Variants in CNNM2 observed in about 807,000 individuals in gnomAD.
CNNM2 encodes metal transporter CNNM2.
In CNNM2, 12 loss-of-function variants were observed where a neutral mutation model predicts 66.9. The observed-to-expected ratio is 0.18, with a 90% CI of 0.11 to 0.29. CNNM2 has a LOEUF of 0.29. Among genes scored for constraint, CNNM2 ranks in the 10% least tolerant of loss-of-function variants. CNNM2 has a pLI of 1.00. For missense variants in CNNM2, 705 were observed against 1,167.7 expected, an observed-to-expected ratio of 0.60 and a Z score of 5.77; for synonymous variants, 557 against 501.8, an observed-to-expected ratio of 1.11 and a Z score of -1.47.
At chr10:103,059,083 C>T (rs1250474031) in intron 4 of CNNM2, among the ~76,000 whole-genome samples, 1 of 152,158 alleles carries the variant, frequency 6.6e-6, no homozygotes, top group Admixed American at 6.5e-5. Flanking sequence ...AAGCAATTCT[C>T]CTGCCTCAGG....
intron 1 of CNNM2, among the ~76,000 whole-genome samples, chr10:102,983,052 A>T (rs1391924863): frequency 6.6e-6 from 1 of 152,150 alleles, no homozygotes; most frequent in Non-Finnish European, 1.5e-5. Flanking sequence ...ATTTGAAAGG[A>T]GACCCATATT....
chr10:102,939,823 C>T (rs2134176791), intron 1 of CNNM2, among the ~76,000 whole-genome samples: 1 of 152,108 alleles, frequency 6.6e-6, no homozygotes, highest in East Asian at 1.9e-4. Flanking sequence ...ATACAAAAAT[C>T]AGCTGGGCGT....
intron 1 of CNNM2, among the ~76,000 whole-genome samples, chr10:102,943,738 A>G (rs907479263): frequency 3.3e-5 from 5 of 152,152 alleles, no homozygotes; most frequent in Non-Finnish European, 5.9e-5. Context: ...TGCATGTCAT[A>G]TATGTGTATA....
intron 1 of CNNM2, among the ~76,000 whole-genome samples, chr10:103,022,358 T>C (rs1462873722): frequency 6.6e-6 from 1 of 152,214 alleles, no homozygotes; most frequent in African/African-American, 2.4e-5. Context: ...ATACTTTTTT[T>C]CCTGTGTTTA....
At chr10:102,999,030 G>A (rs1165148373) in intron 1 of CNNM2, among the ~76,000 whole-genome samples, 1 of 151,566 alleles carries the variant, frequency 6.6e-6, no homozygotes, top group African/African-American at 2.4e-5. Flanking sequence ...TCAGCCTCCC[G>A]AGTAGCTGGG....
At chr10:103,003,864 T>C (rs548161317) in intron 1 of CNNM2, among the ~76,000 whole-genome samples, 1 of 152,246 alleles carries the variant, frequency 6.6e-6, no homozygotes, top group South Asian at 2.1e-4. Flanking sequence ...TTTTATACTT[T>C]ATATAAATGA....
intron 1 of CNNM2, among the ~76,000 whole-genome samples, chr10:102,967,907 C>T: frequency 6.6e-6 from 1 of 152,170 alleles, no homozygotes; most frequent in East Asian, 1.9e-4. Context: ...ACGTGGGAGG[C>T]TGAGGCAGGA....
rs1346083725 is a variant in CNNM2 at position 103,083,439 on chromosome 10, A to G, written c.*6259A>G. 2 of 152,202 alleles carry G rather than the reference A, an allele frequency of 1.3e-5. No homozygotes were observed. The highest frequency in any genetic ancestry group is 1.3e-4 in the Admixed American group (2 of 15,282). The allele number at this position is 152,202 out of a possible 1,614,324, so 9.4% of individuals were successfully genotyped here. ...CCCTTTCATCTGTGCAACACCAACCATGCCATTGTATTCAGCTTGGCTGAA... is the reference window on the plus strand; with the variant it reads ...CCCTTTCATCTGTGCAACACCAACCGTGCCATTGTATTCAGCTTGGCTGAA... On this transcript the variant is annotated 3_prime_UTR_variant, in exon 8 of 8. Transcript: ENST00000369878.
chr10:102,934,986 C>T (rs891565934), intron 1 of CNNM2, among the ~76,000 whole-genome samples: 4 of 151,340 alleles, frequency 2.6e-5, no homozygotes, highest in Admixed American at 6.6e-5. Context: ...TGGTGAAACC[C>T]CGACTCTACC....
chr10:103,054,296 C>T lies in CNNM2; in HGVS notation c.1766-33C>T, dbSNP rs1564863149. On this transcript the variant is annotated intron_variant, in intron 2 of 7. Transcript: ENST00000369878. The surrounding 1 kb of genome is among the most constrained non-coding windows in gnomAD (Gnocchi z 5.2). ...AGCCCTCATCTCATGGGATGCATTT[C>T]TTTTTTTTTCTCTCTTTTAATTCCT... 1.0e-5 allele frequency: 16 copies of T among 1,591,402 alleles called. No homozygotes were observed. The highest frequency in any genetic ancestry group is 1.4e-5 in the Non-Finnish European group (16 of 1,165,214).
intron 1 of CNNM2, among the ~76,000 whole-genome samples, chr10:102,966,867 G>A (rs192754907): frequency 6.6e-6 from 1 of 152,284 alleles, no homozygotes; most frequent in Admixed American, 6.5e-5. Context: ...TGGGAGTGAG[G>A]TGGGATGAGG....
rs79668541 is a variant in CNNM2, at chr10:103,034,147, C to T, written c.1622-15560C>T. ...TTTGGGAGGGGGATAATCTTGATAGCTCTTTTCCCTTATATCACATAATTA... is the reference window on the plus strand; with the variant it reads ...TTTGGGAGGGGGATAATCTTGATAGTTCTTTTCCCTTATATCACATAATTA... On this transcript the variant is annotated intron_variant, in intron 1 of 7. Transcript: ENST00000369878. Among the ~76,000 whole-genome samples, 12,517 of 151,772 alleles carry T rather than the reference C, an allele frequency of 0.082. 804 individuals carry two copies. Among genetic ancestry groups the T allele is most frequent in the East Asian group, 0.28 (1,433 of 5,154 alleles).
chr10:103,023,219 T>G (rs1797506148), intron 1 of CNNM2, among the ~76,000 whole-genome samples: 1 of 152,184 alleles, frequency 6.6e-6, no homozygotes, highest in Non-Finnish European at 1.5e-5. Context: ...TCCCAGACTC[T>G]TTTAAATGAT....
chr10:102,920,060 A>G lies in CNNM2; in HGVS notation c.1580A>G (p.Asn527Ser), dbSNP rs751115904. ...FYNHPLHFVFNDTKLDAMLEE... is the reference protein window; with the variant it reads ...FYNHPLHFVFSDTKLDAMLEE... ...AACCACCCCTTGCACTTTGTTTTCA[A>G]TGACACCAAGTTGGACGCTATGCTG... The change falls in exon 1 of 8, where the codon AAT becomes AGT. Residue 527 changes from asparagine (N) to serine (S), a missense_variant. Physicochemically the swap from Asn to Ser is conservative, Grantham distance 46. Transcript: ENST00000369878. The G allele has an allele frequency of 1.9e-5, 30 of 1,614,204 alleles. No individual in the cohort carries two copies. The highest frequency in any genetic ancestry group is 4.5e-5 in the East Asian group (2 of 44,886).
At position 102,918,412 on chromosome 10, in the gene CNNM2, C is replaced by T. The variant is rs1207707703; in HGVS notation, c.-69C>T. On this transcript the variant is annotated 5_prime_UTR_variant, in exon 1 of 8. Transcript: ENST00000369878. This position sits in a 1 kb window ranked among gnomAD's most constrained non-coding sequence, Gnocchi z 4.1. Reference sequence around the variant, plus strand: ...CGCGGACGCTCCGTTGCAGTCTCGCCCAGGGGCCGGTACCTGCGCTCGCGC... The same window carrying T: ...CGCGGACGCTCCGTTGCAGTCTCGCTCAGGGGCCGGTACCTGCGCTCGCGC... The T allele has an allele frequency of 8.4e-6, 13 of 1,552,638 alleles. 1 individual carries two copies. In the Admixed American group the frequency reaches 1.2e-4, roughly 14 times the overall value.
Position 102,959,029 on chromosome 10 carries a change from C to T in CNNM2, c.1621+38928C>T, listed in dbSNP as rs932503076. On this transcript the variant is annotated intron_variant, in intron 1 of 7. Coordinates refer to ENST00000369878, the MANE Select transcript of CNNM2 (RefSeq NM_017649.5). ...GTGGCACAGTCATGGCTCACTGCAG[C>T]CTCAACCTCCTGGGCTCAAGTGGTC... Among the ~76,000 whole-genome samples the T allele has an allele frequency of 6.6e-6, 1 of 152,040 alleles. No homozygotes were observed. The highest frequency in any genetic ancestry group is 2.4e-5 in the African/African-American group (1 of 41,400).
At chr10:102,930,262 G>A (rs1343463775) in intron 1 of CNNM2, among the ~76,000 whole-genome samples, 8 of 152,054 alleles carry the variant, frequency 5.3e-5, no homozygotes, top group South Asian at 2.1e-4. Flanking sequence ...TTATTTGCAC[G>A]GAATATAGAC....
intron 1 of CNNM2, among the ~76,000 whole-genome samples, chr10:102,976,632 T>TTTTTTTTTTTA (rs1564828276): frequency 2.3e-5 from 3 of 132,360 alleles, no homozygotes; most frequent in African/African-American, 8.5e-5. Context: ...TTTTTTTTTT[T>TTTTTTTTTTTA]TTTTTTTGTA....
chr10:103,050,008 A>T (rs1460148149), intron 2 of CNNM2, among the ~76,000 whole-genome samples, 158 bp downstream of exon 2: 1 of 152,132 alleles, frequency 6.6e-6, no homozygotes, highest in Non-Finnish European at 1.5e-5. Flanking sequence ...CAGTCCTTTT[A>T]TCAGAAGGAG....
Sources: gnomAD v4.1 joint callset for allele counts (sites outside exome capture counted in the v4.1 genomes callset) on GRCh38, gnomAD v4.1.1 for gene constraint, Gnocchi (gnomAD v3.1) non-coding constraint, MANE v1.5 for transcripts, NCBI Gene and HGNC (gene_info 2026-07-23, HGNC 2026-07-21) for gene names.